Variants in NRG1 observed in about 807,000 individuals in gnomAD.
NRG1 encodes the protein neuregulin 1, also known as pro-neuregulin-1, membrane-bound isoform.
NRG1 carries 18 observed loss-of-function variants against 63.8 expected under a neutral mutation model. That is an observed-to-expected ratio of 0.28 (90% CI 0.19 to 0.42). The LOEUF is 0.42. Among genes scored for constraint, NRG1 ranks in the 10% least tolerant of loss-of-function variants. The probability of loss-of-function intolerance (pLI) is 1.00; values close to 1 mark genes in which losing one functional copy is unlikely to be tolerated. For synonymous variants in NRG1, 302 were observed against 301.3 expected (o/e 1.00, Z -0.02); for missense variants, 762 against 814.7 (o/e 0.94, Z 0.79).
chr8:32,345,042 G>T (rs1288917761), intron 1 of NRG1, among the ~76,000 whole-genome samples: 1 of 152,114 alleles, frequency 6.6e-6, no homozygotes, highest in African/African-American at 2.4e-5. Flanking sequence ...GACCAGACCT[G>T]AGATTTGGCC....
chr8:32,719,238 A>T (rs527902244), intron 5 of NRG1, among the ~76,000 whole-genome samples: 2 of 152,216 alleles, frequency 1.3e-5, no homozygotes, highest in African/African-American at 4.8e-5. Flanking sequence ...TTGCATTTTT[A>T]AATTTTAAAT....
At chr8:32,594,638 T>A (rs1843055207) in intron 1 of NRG1, among the ~76,000 whole-genome samples, 1 of 152,180 alleles carries the variant, frequency 6.6e-6, no homozygotes, top group Non-Finnish European at 1.5e-5. Flanking sequence ...TCTCGGATAT[T>A]GTAACATTTT....
intron 1 of NRG1, among the ~76,000 whole-genome samples, chr8:32,376,004 T>C (rs1205242867): frequency 6.6e-6 from 1 of 152,244 alleles, no homozygotes; most frequent in African/African-American, 2.4e-5. Context: ...TGTTTTCAAA[T>C]TGGCATCTTA....
At chr8:32,043,754 A>G (rs527926164) in intron 1 of NRG1, among the ~76,000 whole-genome samples, 1 of 152,104 alleles carries the variant, frequency 6.6e-6, no homozygotes, top group African/African-American at 2.4e-5. Context: ...GCATGTATAT[A>G]GCAATCCCTG....
chr8:32,255,332 G>T (rs2219988), intron 1 of NRG1, among the ~76,000 whole-genome samples: 65,808 of 152,062 alleles, frequency 0.43, 14,947 homozygotes, highest in Admixed American at 0.49. Context: ...GCTGTTACCA[G>T]TTTTTCCTTT....
chr8:32,344,670 G>A (rs374566540), intron 1 of NRG1, among the ~76,000 whole-genome samples: 10 of 144,532 alleles, frequency 6.9e-5, no homozygotes, highest in African/African-American at 2.6e-4. Context: ...GCCCAGGCTG[G>A]TCTTGAACTC....
intron 1 of NRG1, among the ~76,000 whole-genome samples, chr8:31,678,281 G>A (rs1415140795): frequency 6.6e-6 from 1 of 151,974 alleles, no homozygotes; most frequent in Non-Finnish European, 1.5e-5. Context: ...CCTAGCCTCT[G>A]AAACAGTTTA....
intron 1 of NRG1, among the ~76,000 whole-genome samples, chr8:32,389,013 G>A (rs200663501): frequency 6.6e-6 from 1 of 152,108 alleles, no homozygotes; most frequent in East Asian, 1.9e-4. Context: ...CTTCTTGAAC[G>A]ATGTTCCTTT....
intron 1 of NRG1, among the ~76,000 whole-genome samples, chr8:31,799,735 T>C (rs1821575804): frequency 6.6e-6 from 1 of 152,154 alleles, no homozygotes; most frequent in South Asian, 2.1e-4. Flanking sequence ...TGCATAGATA[T>C]ATGTACGCCT....
chr8:31,690,332 G>A (rs1809367022), intron 1 of NRG1, among the ~76,000 whole-genome samples: 1 of 152,196 alleles, frequency 6.6e-6, no homozygotes, highest in Non-Finnish European at 1.5e-5. Flanking sequence ...TAAGGAGTTA[G>A]TCATGGGGTG....
At chr8:31,845,633 T>C (rs760736068) in intron 1 of NRG1, among the ~76,000 whole-genome samples, 1 of 152,204 alleles carries the variant, frequency 6.6e-6, no homozygotes, top group Non-Finnish European at 1.5e-5. Context: ...AGTTGCTTTG[T>C]TGCTAATTAG....
intron 1 of NRG1, among the ~76,000 whole-genome samples, chr8:31,978,981 C>T (rs1049318702): frequency 6.6e-6 from 1 of 152,136 alleles, no homozygotes; most frequent in African/African-American, 2.4e-5. Flanking sequence ...AACAATAAAA[C>T]TTTCAGCCTT....
At chr8:32,432,449 T>C (rs773169884) in intron 1 of NRG1, among the ~76,000 whole-genome samples, 19 of 152,096 alleles carry the variant, frequency 1.2e-4, no homozygotes, top group Non-Finnish European at 1.9e-4. Flanking sequence ...AGATTTTGAA[T>C]CTGATTTTTC....
At chr8:31,761,013 T>A (rs1009590306) in intron 1 of NRG1, among the ~76,000 whole-genome samples, 2 of 152,166 alleles carry the variant, frequency 1.3e-5, no homozygotes, top group Admixed American at 1.3e-4. Context: ...GTATGTTTAT[T>A]GCGGCACTAT....
At chr8:31,934,311 G>T (rs1835104601) in intron 1 of NRG1, among the ~76,000 whole-genome samples, 1 of 151,198 alleles carries the variant, frequency 6.6e-6, no homozygotes, top group South Asian at 2.1e-4. Context: ...ATGTGTACAT[G>T]TGTGTATATA....
chr8:32,215,724 C>A (rs1378630681), intron 1 of NRG1, among the ~76,000 whole-genome samples: 1 of 152,118 alleles, frequency 6.6e-6, no homozygotes, highest in Non-Finnish European at 1.5e-5. Context: ...GTTTAAATAA[C>A]CATTTCCTGG....
chr8:32,448,495 T>C (rs2129487920), intron 1 of NRG1, among the ~76,000 whole-genome samples: 1 of 152,324 alleles, frequency 6.6e-6, no homozygotes, highest in East Asian at 1.9e-4. Flanking sequence ...CTCTTTTAGC[T>C]GGCCCGAGTC....
chr8:31,771,065 A>G (rs1818574957), intron 1 of NRG1, among the ~76,000 whole-genome samples: 1 of 152,150 alleles, frequency 6.6e-6, no homozygotes. Context: ...TATCACATGT[A>G]TAGATTTGTG....
upstream of NRG1, among the ~76,000 whole-genome samples, chr8:32,544,518 G>C (rs1210121986): frequency 1.5e-5 from 2 of 134,066 alleles, no homozygotes; most frequent in Non-Finnish European, 1.6e-5. Context: ...TTTATTTATT[G>C]TTATGAGACA....
Sources: allele counts gnomAD v4.1 joint callset (sites outside exome capture counted in the v4.1 genomes callset), GRCh38; gene constraint gnomAD v4.1.1; transcripts MANE v1.5; gene names NCBI Gene and HGNC (gene_info 2026-07-23, HGNC 2026-07-21).